Variants in MAST2 observed in about 807,000 individuals in gnomAD.
MAST2 encodes the protein microtubule associated serine/threonine kinase 2.
MAST2 carries 70 observed loss-of-function variants against 147.4 expected under a neutral mutation model. The ratio of observed to expected loss-of-function variants is 0.47; its 90% CI spans 0.39 to 0.58. The LOEUF (loss-of-function observed/expected upper bound fraction) is 0.58, where lower values mean the gene tolerates loss of function less well. Among genes scored for constraint, MAST2 ranks in the 20% least tolerant of loss-of-function variants. MAST2 has a pLI of 0.00. For missense variants in MAST2, 2,080 were observed against 2,302.3 expected (o/e 0.90, Z 1.98); for synonymous variants, 869 against 896.8 (o/e 0.97, Z 0.55).
At position 46,002,839 on chromosome 1, in the gene MAST2, C is replaced by A; in HGVS notation, c.703C>A (p.Pro235Thr). The change falls in exon 7 of 29, where the codon CCC (proline) becomes ACC (threonine). Residue 235 changes from proline (P) to threonine (T), a missense_variant. By Grantham distance (38) the Pro-to-Thr change is conservative. Around this residue, in one of 4 missense-constraint regions of MAST2, gnomAD observed 569 missense variants for 642.5 expected, o/e 0.89. Transcript: ENST00000361297. ...GCGGCGCTGGTCTTTGGCCTCTTTG[C>A]CCTCTTCAGGATATGGAACTAACAC... ...DGRRWSLASL[P>T]SSGYGTNTPS... The A allele has an allele frequency of 6.2e-7, 1 of 1,614,184 alleles. No homozygotes were observed. The highest frequency in any genetic ancestry group is 8.5e-7 in the Non-Finnish European group (1 of 1,180,008).
At chr1:45,885,752 C>T (rs940054653) in intron 4 of MAST2, among the ~76,000 whole-genome samples, 2 of 152,016 alleles carry the variant, frequency 1.3e-5, no homozygotes, top group Admixed American at 6.6e-5. Flanking sequence ...ATTTTAGTTC[C>T]AGTTAGGTGT....
intron 22 of MAST2, 47 bp from the exon 23 acceptor site, chr1:46,030,959 AG>A: frequency 5.0e-6 from 8 of 1,588,296 alleles, no homozygotes; most frequent in Non-Finnish European, 6.9e-6. Flanking sequence ...ACCTGGCAGG[AG>A]GAGGGGGACC....
chr1:45,982,865 ACT>A (rs746882282), intron 5 of MAST2, among the ~76,000 whole-genome samples: 2 of 152,110 alleles, frequency 1.3e-5, no homozygotes, highest in Non-Finnish European at 2.9e-5. Flanking sequence ...GTCTATGCTA[ACT>A]CTATATGGAT....
At chr1:45,992,552 A>C (rs1297919241) in intron 5 of MAST2, among the ~76,000 whole-genome samples, 1 of 152,144 alleles carries the variant, frequency 6.6e-6, no homozygotes, top group Non-Finnish European at 1.5e-5. Context: ...GCCCCATGGA[A>C]TGAGTTAGGA....
At chr1:46,008,164 C>T (rs1645564936) in intron 8 of MAST2, 132 bp from the exon 9 acceptor site, 9 of 652,994 alleles carry the variant, frequency 1.4e-5, no homozygotes. Flanking sequence ...GGCTCTAGAA[C>T]TCAGTACCCG....
intron 1 of MAST2, among the ~76,000 whole-genome samples, chr1:45,810,235 A>G (rs1644250817): frequency 6.6e-6 from 1 of 152,226 alleles, no homozygotes; most frequent in South Asian, 2.1e-4. Flanking sequence ...ATTTTTGAGG[A>G]TGGCAGAAGA....
At chr1:45,868,431 A>G (rs954770961) in intron 3 of MAST2, among the ~76,000 whole-genome samples, 1 of 152,222 alleles carries the variant, frequency 6.6e-6, no homozygotes, top group Non-Finnish European at 1.5e-5. Flanking sequence ...TTGTATAGAC[A>G]GTGCAATTTC....
At chr1:45,873,310 G>A (rs1050382855) in intron 3 of MAST2, among the ~76,000 whole-genome samples, 20 of 151,082 alleles carry the variant, frequency 1.3e-4, no homozygotes, top group Admixed American at 1.1e-3. Flanking sequence ...CTCCCACCTC[G>A]GTCCCCTGAA....
chr1:45,849,585 G>A (rs1226101105), intron 3 of MAST2, among the ~76,000 whole-genome samples: 1 of 151,312 alleles, frequency 6.6e-6, no homozygotes, highest in African/African-American at 2.4e-5. Flanking sequence ...GGAGTGCAGT[G>A]GCGCGATCTA....
chr1:45,899,862 T>A (rs941691539), intron 4 of MAST2, among the ~76,000 whole-genome samples: 11 of 152,046 alleles, frequency 7.2e-5, no homozygotes, highest in Admixed American at 2.0e-4. Flanking sequence ...AAAAAAATTT[T>A]TTTTTTTAAG....
chr1:45,950,676 C>T (rs9804007), intron 4 of MAST2, among the ~76,000 whole-genome samples: 7,075 of 152,238 alleles, frequency 0.046, 533 homozygotes, highest in African/African-American at 0.16. Context: ...ATAGGATTCT[C>T]ATAAATGCAG....
intron 4 of MAST2, 55 bp downstream of exon 4, chr1:45,882,450 T>C: frequency 7.5e-7 from 1 of 1,328,996 alleles, no homozygotes; most frequent in East Asian, 2.3e-5. Flanking sequence ...GGAACCCCTC[T>C]TGGGAACATT....
intron 3 of MAST2, among the ~76,000 whole-genome samples, chr1:45,830,774 G>C (rs1366667854): frequency 6.6e-6 from 1 of 150,944 alleles, no homozygotes; most frequent in Non-Finnish European, 1.5e-5. Context: ...TCTAATTCCT[G>C]CACTCTGAGA....
chr1:45,871,731 A>G (rs553071988), intron 3 of MAST2, among the ~76,000 whole-genome samples: 65 of 152,308 alleles, frequency 4.3e-4, no homozygotes, highest in African/African-American at 1.6e-3. Context: ...TCCTTTGACA[A>G]TGGTATTGTC....
chr1:45,909,786 G>C (rs1050587774), intron 4 of MAST2, among the ~76,000 whole-genome samples: 2 of 151,984 alleles, frequency 1.3e-5, no homozygotes, highest in Admixed American at 1.3e-4. Context: ...AAAGTGCTGG[G>C]ATTACAGGCG....
chr1:45,851,343 C>T (rs750897152), intron 3 of MAST2, among the ~76,000 whole-genome samples: 6 of 152,068 alleles, frequency 3.9e-5, no homozygotes, highest in Non-Finnish European at 8.8e-5. Flanking sequence ...ACTGGGAAGC[C>T]ATTTATCAGT....
Position 46,031,578 on chromosome 1 carries a change from T to C in MAST2, c.3180T>C (p.Ile1060=). The C allele has an allele frequency of 6.2e-7, 1 of 1,611,796 alleles. No individual in the cohort carries two copies. Among genetic ancestry groups the C allele is most frequent in the Non-Finnish European group, 8.5e-7 (1 of 1,178,178 alleles). ...CAGCCACAGCCCTCTCACTCCTCAT[T>C]CCTTCGGGTGAGGCCCCTGGGGAGC... ...SASATALSLL[I]PSEHHTCSPL... Residue 1060 remains isoleucine, a synonymous_variant, in exon 24 of 29, where the codon ATT becomes ATC. Transcript: ENST00000361297. The surrounding 1 kb of genome is among the most constrained non-coding windows in gnomAD (Gnocchi z 4.1).
At position 45,849,905 on chromosome 1, in the gene MAST2, T is replaced by C. The variant is rs190240085; in HGVS notation, c.468+20324T>C. Among the ~76,000 whole-genome samples the C allele has an allele frequency of 1.4e-4, 21 of 152,334 alleles. No individual in the cohort carries two copies. The East Asian group carries it at 4.1e-3, about 29-fold the overall frequency. ...TTTACTATTGTGAATAGTGCTGTGATTAACATGTGAGTACATGTGTCTTTT... is the reference window on the plus strand; with the variant it reads ...TTTACTATTGTGAATAGTGCTGTGACTAACATGTGAGTACATGTGTCTTTT... On this transcript the variant is annotated intron_variant, in intron 3 of 28. Transcript: ENST00000361297.
chr1:45,998,521 A>G (rs1014947043), intron 6 of MAST2, among the ~76,000 whole-genome samples: 2 of 152,196 alleles, frequency 1.3e-5, no homozygotes, highest in Non-Finnish European at 2.9e-5. Context: ...GGCTCTATAC[A>G]CACATGATTT....
Sources: allele counts gnomAD v4.1 joint callset (sites outside exome capture counted in the v4.1 genomes callset), GRCh38; gene constraint gnomAD v4.1.1; regional missense constraint gnomAD v4.1.1; non-coding constraint Gnocchi (gnomAD v3.1); transcripts MANE v1.5; gene names NCBI Gene and HGNC (gene_info 2026-07-23, HGNC 2026-07-21).